KCNIP1: variants seen among roughly 807,000 people sequenced by gnomAD.
KCNIP1 encodes potassium voltage-gated channel interacting protein 1.
Under a neutral mutation model 33.0 loss-of-function variants are expected in KCNIP1, and 18 were observed. The ratio of observed to expected loss-of-function variants is 0.55; its 90% CI spans 0.38 to 0.81. The LOEUF (loss-of-function observed/expected upper bound fraction) is 0.81, where lower values mean the gene tolerates loss of function less well. KCNIP1 is among the 30% of genes least tolerant of loss of function. KCNIP1 has a pLI of 0.00. For synonymous variants in KCNIP1, 93 were observed against 98.3 expected (o/e 0.95, Z 0.32); for missense variants, 238 against 271.6 (o/e 0.88, Z 0.87).
chr5:170,601,874 G>A (rs953362714), intron 1 of KCNIP1, among the ~76,000 whole-genome samples: 1 of 152,204 alleles, frequency 6.6e-6, no homozygotes, highest in African/African-American at 2.4e-5. Flanking sequence ...GACCTGTCTG[G>A]AGTCTTACCT....
intron 1 of KCNIP1, among the ~76,000 whole-genome samples, chr5:170,613,003 A>T (rs970929325): frequency 4.6e-5 from 7 of 152,146 alleles, no homozygotes; most frequent in African/African-American, 1.7e-4. Flanking sequence ...CTCTTCACAT[A>T]CACACACCCA....
intron 1 of KCNIP1, among the ~76,000 whole-genome samples, chr5:170,665,873 G>A (rs906661217): frequency 6.6e-6 from 1 of 152,196 alleles, no homozygotes; most frequent in Non-Finnish European, 1.5e-5. Context: ...TGGGGTTTGG[G>A]GAGGAAGAGC....
chr5:170,382,419 T>G (rs1764278809), intron 1 of KCNIP1, among the ~76,000 whole-genome samples: 1 of 152,180 alleles, frequency 6.6e-6, no homozygotes, highest in Non-Finnish European at 1.5e-5. Context: ...AATTCCATAT[T>G]GTGGTGATCA....
chr5:170,722,867 A>G lies in KCNIP1; in HGVS notation c.435+47A>G, dbSNP rs546613741. 36 of 1,227,906 alleles carry G rather than the reference A, an allele frequency of 2.9e-5. 2 individuals are homozygous for G. In the South Asian group the frequency reaches 4.3e-4, roughly 15 times the overall value. The allele number at this position is 1,227,906 out of a possible 1,614,324, so 76.1% of individuals were successfully genotyped here. A position where few individuals can be genotyped will look rare whatever the true frequency, so the allele number is the denominator to read the frequency against. On this transcript the variant is annotated intron_variant, in intron 5 of 7. Coordinates refer to ENST00000328939, the MANE Select transcript of KCNIP1 (RefSeq NM_014592.4). ...GTGTGAGAGGGCTCCAGTGAAGGTA[A>G]CTAACCCAACAGAAAACAGCCCCAG...
chr5:170,661,865 C>T (rs1301836692), intron 1 of KCNIP1, among the ~76,000 whole-genome samples: 1 of 152,194 alleles, frequency 6.6e-6, no homozygotes, highest in East Asian at 1.9e-4. Flanking sequence ...GAGGAGCTCA[C>T]ACATCTTTCC....
chr5:170,682,909 G>T (rs943026467), intron 1 of KCNIP1, among the ~76,000 whole-genome samples: 1 of 147,954 alleles, frequency 6.8e-6, no homozygotes, highest in African/African-American at 2.5e-5. Context: ...GATTACAGGC[G>T]TGAGCCACCG....
intron 1 of KCNIP1, chr5:170,681,499 T>A: frequency 5.1e-6 from 1 of 196,990 alleles, no homozygotes; most frequent in African/African-American, 2.3e-5. Context: ...CAATTCTCTC[T>A]GAAGCTGTCT....
At chr5:170,399,448 C>A (rs1279165459) in intron 1 of KCNIP1, among the ~76,000 whole-genome samples, 1 of 152,128 alleles carries the variant, frequency 6.6e-6, no homozygotes, top group Non-Finnish European at 1.5e-5. Flanking sequence ...GCCTACATGA[C>A]CACTTTGTCC....
chr5:170,458,175 A>G (rs1471816426), intron 1 of KCNIP1, among the ~76,000 whole-genome samples: 1 of 152,178 alleles, frequency 6.6e-6, no homozygotes, highest in Non-Finnish European at 1.5e-5. Flanking sequence ...AATATGAACA[A>G]AGCCTCCAAT....
chr5:170,618,474 A>AG (rs1367665238), intron 1 of KCNIP1, among the ~76,000 whole-genome samples: 16 of 123,456 alleles, frequency 1.3e-4, no homozygotes, highest in African/African-American at 4.8e-4. Flanking sequence ...AAGAAAGGAA[A>AG]GAAGGAAGGA....
At chr5:170,624,357 G>A (rs575708862) in intron 1 of KCNIP1, among the ~76,000 whole-genome samples, 117 of 152,164 alleles carry the variant, frequency 7.7e-4, no homozygotes, top group Non-Finnish European at 1.5e-3. Context: ...TGAGGAGGAA[G>A]GAAATGAATT....
At chr5:170,355,045 C>T (rs543785445) in intron 1 of KCNIP1, among the ~76,000 whole-genome samples, 9 of 152,236 alleles carry the variant, frequency 5.9e-5, no homozygotes, top group African/African-American at 1.4e-4. Flanking sequence ...CTCAGGTGCC[C>T]GCCACCCAGC....
chr5:170,420,961 C>T (rs1305425864), intron 1 of KCNIP1, among the ~76,000 whole-genome samples: 3 of 152,164 alleles, frequency 2.0e-5, no homozygotes, highest in Non-Finnish European at 4.4e-5. Context: ...AGGTCTAGCC[C>T]TGATCTGAGC....
rs1272935292 is a variant in KCNIP1, at chr5:170,504,049, A to C, written c.-524A>C. Reference sequence around the variant, plus strand: ...CTCGCCCCGAGCGCTGGCAGCAGGCAGCAGGCAGCAGGCGGGCGCGCTGTG... The same window carrying C: ...CTCGCCCCGAGCGCTGGCAGCAGGCCGCAGGCAGCAGGCGGGCGCGCTGTG... On this transcript the variant is annotated 5_prime_UTR_variant, in exon 1 of 8. Transcript: ENST00000328939. This position sits in a 1 kb window ranked among gnomAD's most constrained non-coding sequence, Gnocchi z 6.0. 1.0e-6 allele frequency: 1 copy of C among 984,760 alleles called. No homozygotes were observed. Among genetic ancestry groups the C allele is most frequent in the Non-Finnish European group, 1.2e-6 (1 of 829,844 alleles). 61.0% of individuals were successfully genotyped at this position (984,760 alleles called of 1,614,324 possible).
chr5:170,636,875 A>G (rs1760305205), intron 1 of KCNIP1, among the ~76,000 whole-genome samples: 1 of 152,158 alleles, frequency 6.6e-6, no homozygotes, highest in African/African-American at 2.4e-5. Flanking sequence ...ATGGATAAGC[A>G]GAGGCTTAGG....
At chr5:170,678,837 G>A (rs1452436051) in intron 1 of KCNIP1, 3 of 152,358 alleles carry the variant, frequency 2.0e-5, no homozygotes, top group Admixed American at 6.5e-5. Flanking sequence ...AGAGTTGTTG[G>A]GAAGGAAGCA....
upstream of KCNIP1, among the ~76,000 whole-genome samples, chr5:170,501,381 C>T (rs762435976): frequency 5.9e-5 from 9 of 152,196 alleles, no homozygotes; most frequent in Middle Eastern, 3.4e-3. Flanking sequence ...GGCTGAGCCA[C>T]AAAGGGAACA....
At chr5:170,439,855 G>A (rs1020121758) in intron 1 of KCNIP1, among the ~76,000 whole-genome samples, 1 of 152,206 alleles carries the variant, frequency 6.6e-6, no homozygotes, top group Non-Finnish European at 1.5e-5. Flanking sequence ...AGCCTTGAGG[G>A]GGATTAGATC....
At chr5:170,598,942 T>TGTGTGTGTGTGTGTGTGTG (rs1758581504) in intron 1 of KCNIP1, among the ~76,000 whole-genome samples, 2 of 146,372 alleles carry the variant, frequency 1.4e-5, no homozygotes, top group African/African-American at 5.0e-5. Context: ...TGTGTGTGTG[T>TGTGTGTGTGTGTGTGTGTG]TTGGTGGGGT....
Sources: allele counts gnomAD v4.1 joint callset (sites outside exome capture counted in the v4.1 genomes callset), GRCh38; gene constraint gnomAD v4.1.1; non-coding constraint Gnocchi (gnomAD v3.1); transcripts MANE v1.5; gene names NCBI Gene and HGNC (gene_info 2026-07-23, HGNC 2026-07-21).